Variants in DPY19L1 observed in about 807,000 individuals in gnomAD.
DPY19L1 encodes protein C-mannosyl-transferase DPY19L1.
A neutral mutation model predicts 96.9 loss-of-function variants in DPY19L1; 35 were observed. The ratio of observed to expected loss-of-function variants is 0.36; its 90% CI spans 0.28 to 0.48. The LOEUF (loss-of-function observed/expected upper bound fraction) is 0.48. Ranked by LOEUF, DPY19L1 falls within the 20% of genes least tolerant of loss-of-function variation. DPY19L1 has a pLI of 0.99. For missense variants in DPY19L1, 521 were observed against 777.9 expected, an observed-to-expected ratio of 0.67 and a Z score of 3.93; for synonymous variants, 205 against 252.6, an observed-to-expected ratio of 0.81 and a Z score of 1.79.
intron 4 of DPY19L1, among the ~76,000 whole-genome samples, chr7:35,012,027 G>A (rs1452544809): frequency 6.6e-6 from 1 of 152,202 alleles, no homozygotes; most frequent in Non-Finnish European, 1.5e-5. Flanking sequence ...TCCGGGCTGA[G>A]GCACTCATTC....
At chr7:35,026,912 G>A (rs1438901596) in intron 1 of DPY19L1, among the ~76,000 whole-genome samples, 1 of 152,074 alleles carries the variant, frequency 6.6e-6, no homozygotes, top group Non-Finnish European at 1.5e-5. Context: ...AAAGTGAGGG[G>A]TTGGCCAGGC....
In DPY19L1 at chr7:35,010,533, A is replaced by G. The variant is rs1303335342; in HGVS notation, c.699T>C (p.Val233=). ...EGLGDPACFY[V]AVIFILNGLM... is the part of the protein sequence containing the mutation. ...GTCCATTTAAAATAAAAATTACAGCAACATAAAAGCAAGCAGGATCTCCCA... is the reference window on the plus strand; with the variant it reads ...GTCCATTTAAAATAAAAATTACAGCGACATAAAAGCAAGCAGGATCTCCCA... The change falls in exon 6 of 22, where the codon GTT becomes GTC. Residue 233 remains valine, a synonymous_variant. Coordinates refer to ENST00000638088, the MANE Select transcript of DPY19L1 (RefSeq NM_001366673.1). 1.2e-6 allele frequency: 2 copies of G among 1,609,866 alleles called. No homozygotes were observed. The highest frequency in any genetic ancestry group is 1.7e-6 in the Non-Finnish European group (2 of 1,177,528).
intron 21 of DPY19L1, among the ~76,000 whole-genome samples, chr7:34,932,419 T>G (rs576640987): frequency 2.0e-5 from 3 of 152,314 alleles, no homozygotes; most frequent in African/African-American, 7.2e-5. Flanking sequence ...AACAAAACAT[T>G]GAATATCTCA....
intron 1 of DPY19L1, among the ~76,000 whole-genome samples, chr7:35,027,658 C>T (rs1479468874): frequency 1.6e-5 from 1 of 62,318 alleles, no homozygotes; most frequent in Admixed American, 2.5e-4. Context: ...TGGCAAAACC[C>T]CGTCTCTACT....
intron 9 of DPY19L1, among the ~76,000 whole-genome samples, chr7:34,968,381 A>G (rs1784654248): frequency 6.6e-6 from 1 of 152,168 alleles, no homozygotes; most frequent in Admixed American, 6.5e-5. Flanking sequence ...TAAACTAAGA[A>G]AAGTTAACTA....
At chr7:35,018,981 C>T (rs767618010) in intron 1 of DPY19L1, among the ~76,000 whole-genome samples, 7 of 152,144 alleles carry the variant, frequency 4.6e-5, no homozygotes, top group Non-Finnish European at 7.4e-5. Context: ...AAGGGAACTA[C>T]CACTTCTGAT....
chr7:35,030,707 A>G (rs574064390), intron 1 of DPY19L1, among the ~76,000 whole-genome samples: 3 of 152,320 alleles, frequency 2.0e-5, no homozygotes, highest in Admixed American at 6.5e-5. Flanking sequence ...GAAAATAGAA[A>G]GCAGTATTAA....
intron 6 of DPY19L1, among the ~76,000 whole-genome samples, chr7:34,991,921 T>C (rs1428088212): frequency 2.0e-5 from 3 of 152,258 alleles, no homozygotes; most frequent in Admixed American, 6.5e-5. Flanking sequence ...AATATATTTA[T>C]TTAGTCCATT....
At chr7:34,995,698 A>G (rs1369859875) in intron 6 of DPY19L1, among the ~76,000 whole-genome samples, 1 of 152,222 alleles carries the variant, frequency 6.6e-6, no homozygotes, top group Non-Finnish European at 1.5e-5. Flanking sequence ...AAGCCATCAG[A>G]GTTAATTCAA....
At chr7:34,940,010 T>A (rs1286198757) in intron 19 of DPY19L1, 143 bp downstream of exon 19, 18 of 691,006 alleles carry the variant, frequency 2.6e-5, no homozygotes, top group Non-Finnish European at 8.7e-6. Context: ...ATCTCCTTTG[T>A]TTTAGATATT....
At chr7:35,020,633 A>G (rs1785973870) in intron 1 of DPY19L1, among the ~76,000 whole-genome samples, 1 of 152,092 alleles carries the variant, frequency 6.6e-6, no homozygotes, top group South Asian at 2.1e-4. Context: ...TTATTTTGCA[A>G]TGTATTTATT....
intron 21 of DPY19L1, among the ~76,000 whole-genome samples, chr7:34,935,566 T>G (rs1783851492): frequency 6.6e-6 from 1 of 152,128 alleles, no homozygotes; most frequent in Non-Finnish European, 1.5e-5. Context: ...TTAAACATAG[T>G]GCTCACCAAT....
intron 13 of DPY19L1, among the ~76,000 whole-genome samples, chr7:34,953,000 C>A (rs1337645332): frequency 6.6e-6 from 1 of 152,110 alleles, no homozygotes; most frequent in African/African-American, 2.4e-5. Flanking sequence ...TACTGTTAGT[C>A]CAACAGTTCT....
At chr7:35,024,504 A>G (rs1206376933) in intron 1 of DPY19L1, among the ~76,000 whole-genome samples, 1 of 152,124 alleles carries the variant, frequency 6.6e-6, no homozygotes, top group African/African-American at 2.4e-5. Flanking sequence ...GGTGAAGTCA[A>G]TTTCGAAACA....
At chr7:34,979,365 A>C (rs1479260313) in intron 7 of DPY19L1, among the ~76,000 whole-genome samples, 3 of 152,152 alleles carry the variant, frequency 2.0e-5, no homozygotes, top group Non-Finnish European at 4.4e-5. Context: ...ATTAACCAAG[A>C]TATATAGGCA....
At chr7:34,952,830 AC>A (rs1381915067) in intron 13 of DPY19L1, among the ~76,000 whole-genome samples, 8 of 152,182 alleles carry the variant, frequency 5.3e-5, no homozygotes, top group Non-Finnish European at 8.8e-5. Flanking sequence ...TATAAAAAAA[AC>A]ACTCATATCA....
At chr7:35,030,167 T>G (rs1786226467) in intron 1 of DPY19L1, among the ~76,000 whole-genome samples, 1 of 152,244 alleles carries the variant, frequency 6.6e-6, no homozygotes, top group Non-Finnish European at 1.5e-5. Context: ...CAGAAAAAGA[T>G]TCTGCTGTTG....
At chr7:35,025,915 A>C (rs329255) in intron 1 of DPY19L1, among the ~76,000 whole-genome samples, 86,378 of 152,022 alleles carry the variant, frequency 0.57, 24,861 homozygotes, top group Admixed American at 0.7. Flanking sequence ...AAGCACTGAC[A>C]TTGGTCAACA....
chr7:34,968,274 A>G (rs1297416160), intron 9 of DPY19L1, among the ~76,000 whole-genome samples: 1 of 152,090 alleles, frequency 6.6e-6, no homozygotes, highest in Non-Finnish European at 1.5e-5. Flanking sequence ...AGTACCAGGT[A>G]CTGTGTTAAG....
Sources: gnomAD v4.1 joint callset for allele counts (sites outside exome capture counted in the v4.1 genomes callset) on GRCh38, gnomAD v4.1.1 for gene constraint, MANE v1.5 for transcripts, NCBI Gene and HGNC (gene_info 2026-07-23, HGNC 2026-07-21) for gene names.